The following SPATA4 variants were observed in gnomAD, a reference collection of about 807,000 sequenced individuals.
The protein encoded by SPATA4 is spermatogenesis associated 4.
In SPATA4, 35 loss-of-function variants were observed where a neutral mutation model predicts 31.8. The observed-to-expected ratio is 1.10, with a 90% CI of 0.84 to 1.46. SPATA4 has a LOEUF of 1.46. Among genes scored for constraint, SPATA4 ranks in the 40% most tolerant of loss-of-function variants. The pLI is 0.00. For missense variants in SPATA4, 394 were observed against 363.1 expected, an observed-to-expected ratio of 1.09 and a Z score of -0.69; for synonymous variants, 126 against 132.4, an observed-to-expected ratio of 0.95 and a Z score of 0.33.
At chr4:176,193,921 A>G (rs926152832) in intron 1 of SPATA4, 4 of 169,040 alleles carry the variant, frequency 2.4e-5, no homozygotes, top group African/African-American at 9.5e-5. Flanking sequence ...GCTTATCTGC[A>G]GTTTTGCTTT....
intron 1 of SPATA4, chr4:176,193,799 T>C: frequency 2.6e-6 from 1 of 377,802 alleles, no homozygotes; most frequent in East Asian, 4.9e-5. Flanking sequence ...AAACTGTTAA[T>C]TTGTATTGAA....
At chr4:176,193,673 C>A in intron 1 of SPATA4, 91 bp from the exon 2 acceptor site, 1 of 1,273,748 alleles carries the variant, frequency 7.9e-7, no homozygotes, top group Non-Finnish European at 1.0e-6. Flanking sequence ...ATATTCCATA[C>A]TAAAAGTATC....
chr4:176,187,960 C>T (rs1463469934), intron 5 of SPATA4, among the ~76,000 whole-genome samples, 159 bp downstream of exon 5: 1 of 152,188 alleles, frequency 6.6e-6, no homozygotes, highest in African/African-American at 2.4e-5. Context: ...ATGTTCCCTT[C>T]ACTTATCATA....
chr4:176,184,791 T>C lies in SPATA4; in HGVS notation c.907A>G (p.Lys303Glu). 1 of 1,590,080 alleles carries C rather than the reference T, an allele frequency of 6.3e-7. No homozygotes were observed. Reference sequence around the variant, plus strand: ...TTGACAGGTGCTTTTCAAGGTTTCTTGTCCATGTTTCTGATAGGTTTCATA... The same window carrying C: ...TTGACAGGTGCTTTTCAAGGTTTCTCGTCCATGTTTCTGATAGGTTTCATA... ...SAMKPIRNMD[K>E]KP The change falls in exon 6 of 6, where the codon AAG becomes GAG. Residue 303 changes from lysine (K) to glutamate (E), a missense_variant. Coordinates refer to ENST00000280191, the MANE Select transcript of SPATA4 (RefSeq NM_144644.4).
At chr4:176,188,524 C>T (rs777462065) in intron 4 of SPATA4, among the ~76,000 whole-genome samples, 2 of 152,082 alleles carry the variant, frequency 1.3e-5, no homozygotes, top group Non-Finnish European at 2.9e-5. Context: ...AAGTATAATT[C>T]ACTCCAATGA....
chr4:176,190,601 T>G (rs1385793205), intron 4 of SPATA4, among the ~76,000 whole-genome samples: 1 of 152,194 alleles, frequency 6.6e-6, no homozygotes, highest in African/African-American at 2.4e-5. Context: ...TGCAGTTTCT[T>G]ATGTTTGCAG....
rs1037038430 is a variant in SPATA4 at position 176,192,499 on chromosome 4, A to C, written c.688+128T>G. ...AATCATTTCACTGCTAGCATTAAAG[A>C]AGTAATTTCCCTTTAAACCAGTTAC... On this transcript the variant is annotated intron_variant, in intron 4 of 5. Transcript: ENST00000280191. 2.6e-5 allele frequency: 18 copies of C among 699,844 alleles called. No individual in the cohort carries two copies. In the African/African-American group the frequency reaches 3.2e-4, roughly 13 times the overall value. The allele number at this position is 699,844 out of a possible 1,614,324, so 43.4% of individuals were successfully genotyped here. A position where few individuals can be genotyped will look rare whatever the true frequency, so the allele number is the denominator to read the frequency against.
intron 5 of SPATA4, among the ~76,000 whole-genome samples, chr4:176,185,873 T>C (rs952763519): frequency 3.9e-5 from 6 of 152,174 alleles, no homozygotes; most frequent in Non-Finnish European, 5.9e-5. Context: ...CCTTGTCCAA[T>C]GAAGGCTTCC....
chr4:176,185,332 G>A (rs927406209), intron 5 of SPATA4, among the ~76,000 whole-genome samples: 1 of 152,120 alleles, frequency 6.6e-6, no homozygotes, highest in African/African-American at 2.4e-5. Context: ...TCTAATGGGA[G>A]GGGCCAGTGG....
chr4:176,188,352 TGAG>T (rs1319069742), intron 4 of SPATA4, 117 bp from the exon 5 acceptor site: 4 of 663,316 alleles, frequency 6.0e-6, no homozygotes, highest in South Asian at 4.4e-5. Context: ...ATCATATTCC[TGAG>T]TAGTGTGAAT....
At chr4:176,188,084 AAATC>A (rs1180567105) in intron 5 of SPATA4, 31 bp downstream of exon 5, 1 of 1,485,710 alleles carries the variant, frequency 6.7e-7, no homozygotes, top group South Asian at 1.2e-5. Context: ...AAGCAAAAAA[AAATC>A]AATTTTAAGA....
chr4:176,190,017 G>A (rs774861472), intron 4 of SPATA4, among the ~76,000 whole-genome samples: 1 of 152,112 alleles, frequency 6.6e-6, no homozygotes, highest in Admixed American at 6.5e-5. Context: ...TACGTGACTG[G>A]GGGCTGCGTG....
chr4:176,192,711 T>C lies in SPATA4; in HGVS notation c.604A>G (p.Asn202Asp), dbSNP rs761769582. The C allele has an allele frequency of 8.1e-6, 13 of 1,614,144 alleles. No homozygotes were observed. The highest frequency in any genetic ancestry group is 1.1e-5 in the Non-Finnish European group (13 of 1,179,998). Residue 202 changes from asparagine to aspartate, a missense_variant, in exon 4 of 6, where the codon AAC (asparagine) becomes GAC (aspartate). Transcript: ENST00000280191. ...IRLSELLSNPNMLTNELKAEF... is the reference protein window; with the variant it reads ...IRLSELLSNPDMLTNELKAEF... ...GCTTTAAGTTCATTGGTCAGCATGTTGGGATTGCTTAGTAATTCTGATAAC... is the reference window on the plus strand; with the variant it reads ...GCTTTAAGTTCATTGGTCAGCATGTCGGGATTGCTTAGTAATTCTGATAAC...
At chr4:176,187,122 C>T (rs940621262) in intron 5 of SPATA4, among the ~76,000 whole-genome samples, 4 of 151,964 alleles carry the variant, frequency 2.6e-5, no homozygotes, top group Admixed American at 1.3e-4. Flanking sequence ...TTGCATTGCC[C>T]TGTGTTTTTA....
chr4:176,190,498 G>C (rs1017253203), intron 4 of SPATA4, among the ~76,000 whole-genome samples: 2 of 152,042 alleles, frequency 1.3e-5, no homozygotes, highest in African/African-American at 2.4e-5. Flanking sequence ...AGAGTCTCAC[G>C]AGGCTGAAAG....
intron 5 of SPATA4, among the ~76,000 whole-genome samples, chr4:176,185,537 T>G (rs1752427084): frequency 6.6e-6 from 1 of 152,198 alleles, no homozygotes; most frequent in African/African-American, 2.4e-5. Flanking sequence ...TGCCATTATA[T>G]GAAATCTTAG....
Position 176,184,615 on chromosome 4 carries a change from G to A in SPATA4, c.*165C>T. ...ATTTTCAACAATGCCTGGCATAGGA[G>A]TTTAATAAACAAATTGAATGGAAAA... is the stretch of plus-strand genomic sequence containing the variant. On this transcript the variant is annotated 3_prime_UTR_variant, in exon 6 of 6. Transcript: ENST00000280191. 2.4e-6 allele frequency: 1 copy of A among 416,800 alleles called. No individual in the cohort carries two copies. The highest frequency in any genetic ancestry group is 4.3e-6 in the Non-Finnish European group (1 of 233,956). 25.8% of individuals were successfully genotyped at this position (416,800 alleles called of 1,614,324 possible). A position where few individuals can be genotyped will look rare whatever the true frequency, so the allele number is the denominator to read the frequency against.
chr4:176,192,599 A>G, intron 4 of SPATA4, 28 bp downstream of exon 4: 1 of 1,573,736 alleles, frequency 6.4e-7, no homozygotes, highest in Non-Finnish European at 8.7e-7. Context: ...AGCTTGGAAG[A>G]ACTCAGCTGT....
chr4:176,195,546 T>G lies in SPATA4; in HGVS notation c.17A>C (p.Gln6Pro), dbSNP rs756704042. The change falls in exon 1 of 6, where the codon CAG (glutamine) becomes CCG (proline). Residue 6 changes from glutamine (Q) to proline (P), a missense_variant. Gln to Pro is a moderately conservative substitution (Grantham distance 76, BLOSUM62 -1). Transcript: ENST00000280191. MAAAG[Q>P]EKGYLTQTAA... The stretch of plus-strand genomic sequence containing the variant: ...AGTCTGTGTCAAATACCCTTTTTCC[T>G]GGCCGGCGGCAGCCATGACGCTTTC... The G allele has an allele frequency of 6.2e-7, 1 of 1,614,136 alleles. No homozygotes were observed. Among genetic ancestry groups the G allele is most frequent in the Non-Finnish European group, 8.5e-7 (1 of 1,180,018 alleles).
Sources: gnomAD v4.1 joint callset for allele counts (sites outside exome capture counted in the v4.1 genomes callset) on GRCh38, gnomAD v4.1.1 for gene constraint, MANE v1.5 for transcripts, NCBI Gene and HGNC (gene_info 2026-07-23, HGNC 2026-07-21) for gene names.